RHOT1: variants seen among roughly 807,000 people sequenced by gnomAD.
The protein encoded by RHOT1 is mitochondrial Rho GTPase 1.
Under a neutral mutation model 95.3 loss-of-function variants are expected in RHOT1, and 27 were observed. The observed-to-expected ratio is 0.28, with a 90% confidence interval of 0.21 to 0.39. The LOEUF (loss-of-function observed/expected upper bound fraction) is 0.39, where lower values mean the gene tolerates loss of function less well. RHOT1 is among the 10% of genes least tolerant of loss of function. RHOT1 has a pLI of 1.00. For missense variants in RHOT1, 578 were observed against 786.7 expected (o/e 0.73, Z 3.17); for synonymous variants, 227 against 263.5 (o/e 0.86, Z 1.34).
chr17:32,161,287 G>T (rs920159466), intron 1 of RHOT1, among the ~76,000 whole-genome samples: 1 of 152,216 alleles, frequency 6.6e-6, no homozygotes, highest in Admixed American at 6.5e-5. Flanking sequence ...GTCAGCCGCT[G>T]ATTGGGGGCC....
chr17:32,215,837 A>G (rs924652180), intron 19 of RHOT1, among the ~76,000 whole-genome samples: 2 of 152,154 alleles, frequency 1.3e-5, no homozygotes, highest in Non-Finnish European at 2.9e-5. Flanking sequence ...TCTCTTGGTA[A>G]TTATGAGCTC....
At chr17:32,187,148 A>G (rs1250849601) in intron 8 of RHOT1, among the ~76,000 whole-genome samples, 2 of 151,796 alleles carry the variant, frequency 1.3e-5, no homozygotes, top group Non-Finnish European at 2.9e-5. Context: ...TTAGCTGGGC[A>G]TATTGGCGCA....
intron 6 of RHOT1, among the ~76,000 whole-genome samples, chr17:32,176,461 A>G (rs914901570): frequency 6.6e-6 from 1 of 152,176 alleles, no homozygotes; most frequent in African/African-American, 2.4e-5. Flanking sequence ...CTCTGATATC[A>G]TGATTCACAA....
intron 16 of RHOT1, among the ~76,000 whole-genome samples, chr17:32,205,784 G>C (rs1373315867): frequency 7.9e-5 from 12 of 152,148 alleles, no homozygotes; most frequent in Admixed American, 7.9e-4. Context: ...GGGCTCAAGC[G>C]ATCTGCCCAC....
In RHOT1 at chr17:32,163,046, T is replaced by C. The variant is rs1345815307; in HGVS notation, c.38-7997T>C. Among the ~76,000 whole-genome samples, 3 of 152,006 alleles carry C rather than the reference T, an allele frequency of 2.0e-5. No individual in the cohort carries two copies. The East Asian group carries it at 5.8e-4, about 29-fold the overall frequency. ...GAGTGGGGGATAGTGGGAAATGAGA[T>C]TAGGTAGGTGAGCTAGGGATAGATT... is the stretch of plus-strand genomic sequence containing the variant. On this transcript the variant is annotated intron_variant, in intron 1 of 19. Transcript: ENST00000545287.
chr17:32,180,971 C>T (rs571521617), intron 6 of RHOT1, among the ~76,000 whole-genome samples: 29 of 152,352 alleles, frequency 1.9e-4, no homozygotes, highest in Non-Finnish European at 3.4e-4. Flanking sequence ...AGGCGTGAGC[C>T]ACTGATGCAC....
chr17:32,155,762 G>C (rs1236688988), intron 1 of RHOT1, among the ~76,000 whole-genome samples: 1 of 151,428 alleles, frequency 6.6e-6, no homozygotes, highest in Admixed American at 6.6e-5. Context: ...GGCTGATCTT[G>C]AACTCTTGGG....
chr17:32,197,862 C>T (rs1015450929), intron 11 of RHOT1, among the ~76,000 whole-genome samples: 22 of 152,116 alleles, frequency 1.4e-4, no homozygotes, highest in African/African-American at 5.1e-4. Context: ...CGTGAGCCAC[C>T]ACGCCCAGCC....
At chr17:32,175,828 CT>C in intron 4 of RHOT1, 133 bp from the exon 5 acceptor site, 2 of 559,550 alleles carry the variant, frequency 3.6e-6, no homozygotes, top group Non-Finnish European at 3.0e-6. Context: ...CAAGCTAATT[CT>C]TTTTTTGTTT....
At chr17:32,184,256 C>A (rs2035861813) in intron 8 of RHOT1, among the ~76,000 whole-genome samples, 1 of 152,030 alleles carries the variant, frequency 6.6e-6, no homozygotes, top group African/African-American at 2.4e-5. Flanking sequence ...CGTTACTCAG[C>A]CCCTGGCCAC....
intron 1 of RHOT1, chr17:32,143,022 G>T: frequency 1.4e-6 from 1 of 702,396 alleles, no homozygotes; most frequent in East Asian, 2.8e-5. Context: ...CTAACCGCCC[G>T]ACCTCATCCC....
At chr17:32,153,233 A>T (rs1206210652) in intron 1 of RHOT1, among the ~76,000 whole-genome samples, 1 of 152,226 alleles carries the variant, frequency 6.6e-6, no homozygotes, top group Non-Finnish European at 1.5e-5. Context: ...TTATGAGAAG[A>T]ATCAGGGTCT....
Position 32,142,565 on chromosome 17 carries a change from T to G in RHOT1, c.-128T>G. On this transcript the variant is annotated 5_prime_UTR_variant, in exon 1 of 20. Coordinates refer to ENST00000545287, the MANE Select transcript of RHOT1 (RefSeq NM_001033566.3). ...CCCGGCTCTCTTGCGGGGAAGCAAC[T>G]GAGGGGGCGGCGCGGCGGGCCCCGG... is the stretch of plus-strand genomic sequence containing the variant. 2 of 720,880 alleles carry G rather than the reference T, an allele frequency of 2.8e-6. No homozygotes were observed. Among genetic ancestry groups the G allele is most frequent in the Non-Finnish European group, 4.2e-6 (2 of 476,418 alleles). 44.7% of individuals were successfully genotyped at this position (720,880 alleles called of 1,614,324 possible).
In RHOT1 at chr17:32,211,141, A is replaced by C. The variant is rs2038105629; in HGVS notation, c.1765A>C (p.Thr589Pro). Reference sequence around the variant, plus strand: ...CCATGCCCGGTTACGCTGTATGTGCACCTGCAACAGGTGTACATTTTGCAT... The same window carrying C: ...CCATGCCCGGTTACGCTGTATGTGCCCCTGCAACAGGTGTACATTTTGCAT... ...YPHARLRCMC[T>P]CNRCTFCICQ... The change falls in exon 19 of 20, where the codon ACC (threonine) becomes CCC (proline). Residue 589 changes from threonine to proline, a missense_variant. Thr to Pro is a conservative substitution (Grantham distance 38). This residue lies in a region of RHOT1 where 296 missense variants were observed against 338.5 expected (regional missense o/e 0.87). Coordinates refer to ENST00000545287, the MANE Select transcript of RHOT1 (RefSeq NM_001033566.3). 6.2e-7 allele frequency: 1 copy of C among 1,610,620 alleles called. No individual in the cohort carries two copies. The highest frequency in any genetic ancestry group is 1.1e-5 in the South Asian group (1 of 90,718).
At chr17:32,153,398 C>G (rs1319809748) in intron 1 of RHOT1, among the ~76,000 whole-genome samples, 1 of 152,134 alleles carries the variant, frequency 6.6e-6, no homozygotes, top group African/African-American at 2.4e-5. Context: ...GTGGCTCATG[C>G]CTATAATGCC....
chr17:32,175,408 G>A (rs1301215743), intron 4 of RHOT1, 46 bp downstream of exon 4: 1 of 1,521,640 alleles, frequency 6.6e-7, no homozygotes, highest in African/African-American at 1.4e-5. Flanking sequence ...TAGAAAAACA[G>A]TGATGATTTT....
intron 18 of RHOT1, 171 bp downstream of exon 18, chr17:32,208,480 A>G (rs2037909761): frequency 1.6e-6 from 1 of 623,588 alleles, no homozygotes; most frequent in Non-Finnish European, 2.8e-6. Flanking sequence ...GAATGCCATA[A>G]TAAAATGATA....
chr17:32,194,851 C>G (rs571465685), intron 11 of RHOT1, among the ~76,000 whole-genome samples: 1 of 130,556 alleles, frequency 7.7e-6, no homozygotes, highest in Non-Finnish European at 1.6e-5. Flanking sequence ...TTTTTTCAGA[C>G]GGAGTCTCGC....
chr17:32,199,660 A>T, intron 13 of RHOT1, 110 bp downstream of exon 13: 2 of 874,574 alleles, frequency 2.3e-6, no homozygotes, highest in Non-Finnish European at 3.4e-6. Context: ...TTCTTCAATC[A>T]TAATTGCCTC....
Sources: gnomAD v4.1 joint callset for allele counts (sites outside exome capture counted in the v4.1 genomes callset) on GRCh38, gnomAD v4.1.1 for gene constraint, gnomAD v4.1.1 regional missense constraint, MANE v1.5 for transcripts, NCBI Gene and HGNC (gene_info 2026-07-23, HGNC 2026-07-21) for gene names.